Variants in NUBPL observed in about 807,000 individuals in gnomAD.
The protein encoded by NUBPL is iron-sulfur cluster transfer protein NUBPL.
A neutral mutation model predicts 45.7 loss-of-function variants in NUBPL; 31 were observed. The ratio of observed to expected loss-of-function variants is 0.68; its 90% CI spans 0.51 to 0.92. The LOEUF is 0.92. NUBPL is among the 40% of genes least tolerant of loss of function. The pLI, the probability that NUBPL is intolerant of heterozygous loss-of-function variation, is 0.00. For missense variants in NUBPL, 401 were observed against 398.7 expected (o/e 1.01, Z -0.05); for synonymous variants, 144 against 140.9 (o/e 1.02, Z -0.15).
At chr14:31,576,975 A>G (rs542640994) in intron 3 of NUBPL, among the ~76,000 whole-genome samples, 34 of 152,302 alleles carry the variant, frequency 2.2e-4, no homozygotes, top group African/African-American at 7.7e-4. Flanking sequence ...TGAGAGCTCT[A>G]AAAGTTAGTG....
intron 4 of NUBPL, among the ~76,000 whole-genome samples, chr14:31,641,590 A>T (rs1159347844): frequency 6.6e-6 from 1 of 152,162 alleles, no homozygotes; most frequent in African/African-American, 2.4e-5. Flanking sequence ...ATTGAGGAGT[A>T]CTTAGGTTTA....
intron 6 of NUBPL, among the ~76,000 whole-genome samples, chr14:31,739,578 C>G (rs748470449): frequency 2.6e-5 from 4 of 152,010 alleles, no homozygotes; most frequent in African/African-American, 4.8e-5. Context: ...TCCCATGCCC[C>G]AACACATGCA....
chr14:31,578,434 G>T (rs1439680716), intron 3 of NUBPL, among the ~76,000 whole-genome samples: 2 of 152,142 alleles, frequency 1.3e-5, no homozygotes, highest in East Asian at 3.9e-4. Flanking sequence ...GTTTCTTTCT[G>T]GTCAGGAATG....
chr14:31,639,961 T>C (rs1223100727), intron 4 of NUBPL, among the ~76,000 whole-genome samples: 2 of 152,050 alleles, frequency 1.3e-5, no homozygotes, highest in African/African-American at 4.8e-5. Flanking sequence ...AGGGTGGGAG[T>C]GACCCGATTT....
rs116516668 is a variant in NUBPL at position 31,774,454 on chromosome 14, T to G, written c.514-13326T>G. Reference sequence around the variant, plus strand: ...AGAATTCAACCTATTTGCACTTGTGTTCCCAGAATCTTTCAGAGTGAGACC... The same window carrying G: ...AGAATTCAACCTATTTGCACTTGTGGTCCCAGAATCTTTCAGAGTGAGACC... On this transcript the variant is annotated intron_variant, in intron 6 of 10. Transcript: ENST00000281081. 6.5e-3 allele frequency among the ~76,000 whole-genome samples: 993 copies of G among 152,314 alleles called. 12 individuals are homozygous for G. Among genetic ancestry groups the G allele is most frequent in the African/African-American group, 0.022 (930 of 41,564 alleles).
At chr14:31,754,411 A>T (rs1272423779) in intron 6 of NUBPL, among the ~76,000 whole-genome samples, 1 of 152,138 alleles carries the variant, frequency 6.6e-6, no homozygotes, top group Non-Finnish European at 1.5e-5. Flanking sequence ...AATACATGAA[A>T]CAGAGAAACA....
intron 6 of NUBPL, among the ~76,000 whole-genome samples, chr14:31,731,367 A>G (rs2038044596): frequency 1.3e-5 from 2 of 152,190 alleles, no homozygotes; most frequent in South Asian, 2.1e-4. Context: ...AAATTCCATC[A>G]TTACCTTATA....
At chr14:31,680,379 G>A (rs1256456376) in intron 6 of NUBPL, among the ~76,000 whole-genome samples, 1 of 151,992 alleles carries the variant, frequency 6.6e-6, no homozygotes, top group Non-Finnish European at 1.5e-5. Context: ...CCTCTCTCAG[G>A]TTAGGAAGTT....
In NUBPL at chr14:31,850,106, T is replaced by C; in HGVS notation, c.815-13T>C. 3.7e-6 allele frequency: 6 copies of C among 1,605,182 alleles called. No homozygotes were observed. The highest frequency in any genetic ancestry group is 5.1e-6 in the Non-Finnish European group (6 of 1,171,954). On this transcript the variant is annotated splice_polypyrimidine_tract_variant and intron_variant, in intron 9 of 10. Transcript: ENST00000281081. ...TTTTCTGGTTCTAATGGATGTCTGC[T>C]GGGCTCTTTTAGGAGACATTCCCTT...
intron 4 of NUBPL, among the ~76,000 whole-genome samples, chr14:31,628,995 T>A (rs527437870): frequency 6.6e-6 from 1 of 152,306 alleles, no homozygotes; most frequent in African/African-American, 2.4e-5. Context: ...CTACCATTGC[T>A]TTTGAACCAT....
In NUBPL at chr14:31,773,723, G is replaced by A. The variant is rs113934562; in HGVS notation, c.514-14057G>A. 6.8e-3 allele frequency among the ~76,000 whole-genome samples: 1,034 copies of A among 152,258 alleles called. 5 individuals carry two copies. The highest frequency in any genetic ancestry group is 9.5e-3 in the Non-Finnish European group (646 of 68,010). The stretch of plus-strand genomic sequence containing the variant: ...TAGGGTAGGACTATACCTAACTGAC[G>A]TAGAAGAATCAGGAAATTAGGAGCA... On this transcript the variant is annotated intron_variant, in intron 6 of 10. Coordinates refer to ENST00000281081, the MANE Select transcript of NUBPL (RefSeq NM_025152.3).
chr14:31,673,166 A>G (rs1007513072), intron 4 of NUBPL, among the ~76,000 whole-genome samples, 189 bp from the exon 5 acceptor site: 1 of 152,130 alleles, frequency 6.6e-6, no homozygotes, highest in Non-Finnish European at 1.5e-5. Context: ...AGCATGGTTT[A>G]TTATTTATTT....
intron 6 of NUBPL, among the ~76,000 whole-genome samples, chr14:31,766,172 G>A (rs949071951): frequency 1.3e-5 from 2 of 152,172 alleles, no homozygotes; most frequent in Non-Finnish European, 2.9e-5. Flanking sequence ...GGATGCCAAA[G>A]TAACACAAAA....
At chr14:31,840,857 T>C (rs771854022) in intron 8 of NUBPL, among the ~76,000 whole-genome samples, 1 of 152,206 alleles carries the variant, frequency 6.6e-6, no homozygotes, top group Non-Finnish European at 1.5e-5. Context: ...CTGTGCCACC[T>C]TCTAGTCACT....
chr14:31,561,988 C>G, intron 1 of NUBPL, 80 bp from the exon 2 acceptor site: 1 of 1,433,436 alleles, frequency 7.0e-7, no homozygotes, highest in East Asian at 2.5e-5. Context: ...ATTGCAAACC[C>G]CAGATTGTTT....
rs575217942 is a variant in NUBPL at position 31,714,251 on chromosome 14, A to G, written c.513+40677A>G. On this transcript the variant is annotated intron_variant, in intron 6 of 10. Transcript: ENST00000281081. Reference sequence around the variant, plus strand: ...AAGACATGATCAACTTGGCAGTGGTAGCCATTTTGTGGCAGAACAAGAAGA... The same window carrying G: ...AAGACATGATCAACTTGGCAGTGGTGGCCATTTTGTGGCAGAACAAGAAGA... Among the ~76,000 whole-genome samples, 11 of 152,308 alleles carry G rather than the reference A, an allele frequency of 7.2e-5. No individual in the cohort carries two copies. The South Asian group carries it at 2.1e-3, about 29-fold the overall frequency.
chr14:31,582,187 C>T (rs2033880747), intron 3 of NUBPL, among the ~76,000 whole-genome samples: 1 of 151,638 alleles, frequency 6.6e-6, no homozygotes, highest in Non-Finnish European at 1.5e-5. Flanking sequence ...ATAGTAGGGA[C>T]AATTTGAAAA....
intron 7 of NUBPL, among the ~76,000 whole-genome samples, chr14:31,823,103 G>A (rs772599977): frequency 4.0e-5 from 6 of 151,782 alleles, no homozygotes; most frequent in African/African-American, 9.7e-5. Flanking sequence ...AGTTATTCAA[G>A]GTTATATATT....
chr14:31,628,213 G>A (rs551413080), intron 4 of NUBPL, among the ~76,000 whole-genome samples: 2 of 152,298 alleles, frequency 1.3e-5, no homozygotes, highest in South Asian at 4.1e-4. Context: ...TTAAACATGA[G>A]TTAGAATGTT....
Sources: allele counts gnomAD v4.1 joint callset (sites outside exome capture counted in the v4.1 genomes callset), GRCh38; gene constraint gnomAD v4.1.1; transcripts MANE v1.5; gene names NCBI Gene and HGNC (gene_info 2026-07-23, HGNC 2026-07-21).